The following SYNPR variants were observed in gnomAD, a reference collection of about 807,000 sequenced individuals.
SYNPR encodes the protein synaptoporin.
In SYNPR, 23 loss-of-function variants were observed where a neutral mutation model predicts 32.9. That is an observed-to-expected ratio of 0.70 (90% CI 0.50 to 0.99). SYNPR has a LOEUF of 0.99. SYNPR is among the 50% of genes least tolerant of loss of function. The pLI is 0.00. For missense variants in SYNPR, 318 were observed against 349.3 expected (o/e 0.91, Z 0.71); for synonymous variants, 146 against 135.9 (o/e 1.07, Z -0.52).
chr3:63,493,578 G>A (rs1245941464), intron 3 of SYNPR, among the ~76,000 whole-genome samples: 3 of 152,030 alleles, frequency 2.0e-5, no homozygotes, highest in African/African-American at 7.2e-5. Context: ...CACTTTGGGA[G>A]GCAGAAGCAG....
At chr3:63,421,022 A>T (rs913743528) in intron 2 of SYNPR, among the ~76,000 whole-genome samples, 2 of 152,132 alleles carry the variant, frequency 1.3e-5, no homozygotes, top group Non-Finnish European at 2.9e-5. Flanking sequence ...CTGTAACTAC[A>T]GGCACATACC....
intron 4 of SYNPR, among the ~76,000 whole-genome samples, chr3:63,603,632 T>C (rs1700076014): frequency 1.3e-5 from 2 of 152,118 alleles, no homozygotes; most frequent in African/African-American, 4.8e-5. Context: ...TTCTGTTAAT[T>C]TGGTAAATCA....
chr3:63,221,920 T>C, the SYNPR span, among the ~76,000 whole-genome samples: 1 of 151,418 alleles, frequency 6.6e-6, no homozygotes, highest in Admixed American at 6.6e-5. Flanking sequence ...TTGTTGATGA[T>C]CCATAAATGG....
Position 63,435,219 on chromosome 3 carries a change from T to C in SYNPR, c.85-45613T>C, listed in dbSNP as rs556593426. Reference sequence around the variant, plus strand: ...CAAGCCTTTGTTCAAATATTTACTATCCAGGCAGACTTTGGCAACTTACTG... The same window carrying C: ...CAAGCCTTTGTTCAAATATTTACTACCCAGGCAGACTTTGGCAACTTACTG... On this transcript the variant is annotated intron_variant, in intron 2 of 5. Transcript: ENST00000478300. Among the ~76,000 whole-genome samples the C allele has an allele frequency of 9.7e-4, 147 of 152,300 alleles. No homozygotes were observed. In the Middle Eastern group the frequency reaches 0.027, roughly 28 times the overall value.
At chr3:63,610,376 G>A (rs753385862) in intron 5 of SYNPR, 9 of 492,098 alleles carry the variant, frequency 1.8e-5, no homozygotes, top group African/African-American at 7.7e-5. Context: ...AGCGGTTATC[G>A]AAGAATAGAA....
At chr3:63,323,637 T>C (rs1412082396) in intron 2 of SYNPR, among the ~76,000 whole-genome samples, 3 of 152,064 alleles carry the variant, frequency 2.0e-5, no homozygotes, top group African/African-American at 7.2e-5. Flanking sequence ...TCAAAGACTG[T>C]AGGACCTGGA....
At chr3:63,397,060 C>T (rs1274758599) in intron 2 of SYNPR, among the ~76,000 whole-genome samples, 3 of 146,048 alleles carry the variant, frequency 2.1e-5, no homozygotes, top group Non-Finnish European at 3.0e-5. Flanking sequence ...GCCAAGATAG[C>T]GCCACTGCAC....
Position 63,493,345 on chromosome 3 carries a change from G to T in SYNPR, c.209+12389G>T, listed in dbSNP as rs550852593. ...CAGAGCCGAGACATGAAACCATCAG[G>T]GCTTGGAGTGTCATGAAGTGACAAC... On this transcript the variant is annotated intron_variant, in intron 3 of 5. Coordinates refer to ENST00000478300, the MANE Select transcript of SYNPR (RefSeq NM_001130003.2). Among the ~76,000 whole-genome samples the T allele has an allele frequency of 2.6e-5, 4 of 152,192 alleles. No homozygotes were observed. In the East Asian group the frequency reaches 5.8e-4, roughly 22 times the overall value.
chr3:63,532,153 C>T (rs1702124014), intron 3 of SYNPR, among the ~76,000 whole-genome samples: 1 of 152,184 alleles, frequency 6.6e-6, no homozygotes, highest in Non-Finnish European at 1.5e-5. Flanking sequence ...GGAGCATTGG[C>T]TAATTATTCT....
chr3:63,304,523 C>A (rs541934363), intron 2 of SYNPR, among the ~76,000 whole-genome samples: 3 of 151,968 alleles, frequency 2.0e-5, no homozygotes, highest in Non-Finnish European at 4.4e-5. Context: ...GCAGGGTATG[C>A]TACAACCTTT....
intron 5 of SYNPR, chr3:63,610,652 G>A (rs921682877): frequency 7.9e-5 from 38 of 480,016 alleles, no homozygotes; most frequent in Admixed American, 2.4e-4. Flanking sequence ...TGAGGTATAC[G>A]TTACCATATT....
At chr3:63,574,510 G>A (rs570017190) in intron 4 of SYNPR, among the ~76,000 whole-genome samples, 35 of 152,222 alleles carry the variant, frequency 2.3e-4, no homozygotes, top group Non-Finnish European at 3.7e-4. Flanking sequence ...AGTGGAATCT[G>A]GCAATGGGAT....
chr3:63,306,173 G>A (rs1416194089), intron 2 of SYNPR, among the ~76,000 whole-genome samples: 1 of 151,932 alleles, frequency 6.6e-6, no homozygotes, highest in Non-Finnish European at 1.5e-5. Context: ...GTCCCAGGAG[G>A]CAAGGACTGC....
At chr3:63,386,693 A>C (rs566250731) in intron 2 of SYNPR, among the ~76,000 whole-genome samples, 109 of 151,650 alleles carry the variant, frequency 7.2e-4, no homozygotes, top group African/African-American at 2.6e-3. Context: ...GATGAGCCTC[A>C]GTTCTGGGTG....
chr3:63,595,755 A>AATTT (rs1242744739), intron 4 of SYNPR, among the ~76,000 whole-genome samples: 1 of 32,278 alleles, frequency 3.1e-5, no homozygotes, highest in African/African-American at 2.1e-4. Flanking sequence ...ATATATATAT[A>AATTT]TATATATATA....
At chr3:63,332,126 T>C (rs2087237619) in intron 2 of SYNPR, among the ~76,000 whole-genome samples, 1 of 152,202 alleles carries the variant, frequency 6.6e-6, no homozygotes, top group Non-Finnish European at 1.5e-5. Context: ...GTGTGGAGGA[T>C]GCCTGAGTTT....
At chr3:63,566,234 G>C (rs1305424304) in intron 4 of SYNPR, among the ~76,000 whole-genome samples, 3 of 151,818 alleles carry the variant, frequency 2.0e-5, no homozygotes, top group African/African-American at 7.3e-5. Flanking sequence ...AAGTAATTTT[G>C]GTAGACTCCC....
chr3:63,543,087 A>G (rs1702336405), intron 3 of SYNPR, among the ~76,000 whole-genome samples: 1 of 152,176 alleles, frequency 6.6e-6, no homozygotes, highest in African/African-American at 2.4e-5. Context: ...AAATATGCAA[A>G]TGCACATTCC....
intron 3 of SYNPR, among the ~76,000 whole-genome samples, chr3:63,501,347 C>A (rs1701474850): frequency 6.6e-6 from 1 of 151,728 alleles, no homozygotes; most frequent in African/African-American, 2.4e-5. Context: ...AGAATGGTGG[C>A]ATGCCCCTGT....
Sources: allele counts gnomAD v4.1 joint callset (sites outside exome capture counted in the v4.1 genomes callset), GRCh38; gene constraint gnomAD v4.1.1; transcripts MANE v1.5; gene names NCBI Gene and HGNC (gene_info 2026-07-23, HGNC 2026-07-21).